Variants in UNC13C observed in about 807,000 individuals in gnomAD.
UNC13C encodes unc-13 homolog C, also known as protein unc-13 homolog C.
In UNC13C, 174 loss-of-function variants were observed where a neutral mutation model predicts 245.4. The observed-to-expected ratio is 0.71, with a 90% CI of 0.63 to 0.80. The LOEUF is 0.80. UNC13C is among the 30% of genes least tolerant of loss of function. UNC13C has a pLI of 0.00. For missense variants in UNC13C, 2,829 were observed against 2,602.9 expected, an observed-to-expected ratio of 1.09 and a Z score of -1.89; for synonymous variants, 992 against 895.1, an observed-to-expected ratio of 1.11 and a Z score of -1.93.
At chr15:54,255,450 A>G (rs115746966) in intron 8 of UNC13C, among the ~76,000 whole-genome samples, 4,605 of 152,100 alleles carry the variant, frequency 0.03, 85 homozygotes, top group African/African-American at 0.036. Context: ...TAGTCTGCCG[A>G]CGTGACGATT....
At chr15:53,843,758 C>A in the UNC13C span, among the ~76,000 whole-genome samples, 1 of 152,046 alleles carries the variant, frequency 6.6e-6, no homozygotes, top group South Asian at 2.1e-4. Flanking sequence ...CAGGTCAGCA[C>A]AGAAGCCTGA....
intron 2 of UNC13C, among the ~76,000 whole-genome samples, chr15:54,064,909 A>G (rs1476751806): frequency 6.6e-6 from 1 of 152,246 alleles, no homozygotes; most frequent in Non-Finnish European, 1.5e-5. Flanking sequence ...TCAGAGAAAG[A>G]TGAGAGTACT....
intron 10 of UNC13C, among the ~76,000 whole-genome samples, chr15:54,287,709 G>A (rs969925942): frequency 2.0e-5 from 3 of 152,156 alleles, no homozygotes; most frequent in Admixed American, 6.6e-5. Context: ...TTTGTCTAAT[G>A]TCCATCTCTA....
At chr15:54,437,124 T>C (rs1304876222) in intron 19 of UNC13C, among the ~76,000 whole-genome samples, 1 of 151,962 alleles carries the variant, frequency 6.6e-6, no homozygotes, top group African/African-American at 2.4e-5. Context: ...CTTTTCCCCA[T>C]TGTAAAATCA....
Position 54,553,183 on chromosome 15 carries a change from T to C in UNC13C, c.5878-2249T>C, listed in dbSNP as rs1175234160. Among the ~76,000 whole-genome samples, 35 of 111,126 alleles carry C rather than the reference T, an allele frequency of 3.1e-4. 1 individual carries two copies. The highest frequency in any genetic ancestry group is 1.3e-3 in the African/African-American group (33 of 25,670). 72.9% of individuals were successfully genotyped at this position (111,126 alleles called of 152,430 possible). ...TTATATACTGTATTCTATATTACAA[T>C]ATATATTATATACTGTATTCTATAT... On this transcript the variant is annotated intron_variant, in intron 28 of 32. Coordinates refer to ENST00000260323, the MANE Select transcript of UNC13C (RefSeq NM_001080534.3).
chr15:53,879,978 C>CAT, the UNC13C span, among the ~76,000 whole-genome samples: 1 of 145,570 alleles, frequency 6.9e-6, no homozygotes, highest in Non-Finnish European at 1.5e-5. Context: ...TGTGTATATA[C>CAT]ATATATATGT....
chr15:54,284,173 AT>A (rs911557245), intron 10 of UNC13C, among the ~76,000 whole-genome samples: 1 of 152,188 alleles, frequency 6.6e-6, no homozygotes, highest in Non-Finnish European at 1.5e-5. Flanking sequence ...TAAAAGTCAG[AT>A]TTGGGAAGAT....
intron 4 of UNC13C, among the ~76,000 whole-genome samples, chr15:54,230,666 A>C (rs1271532610): frequency 6.6e-6 from 1 of 152,068 alleles, no homozygotes; most frequent in Non-Finnish European, 1.5e-5. Context: ...CAGTAAACTC[A>C]TTTTAATATC....
rs1486795777 is a variant in UNC13C, at chr15:54,294,182, G to A, written c.3988+118G>A. On this transcript the variant is annotated intron_variant, in intron 11 of 32. Coordinates refer to ENST00000260323, the MANE Select transcript of UNC13C (RefSeq NM_001080534.3). ...CAATGCCTTTCCAGGACATTCTGTT[G>A]AACTTTAGATGATTCATTTCATTGA... 1.4e-5 allele frequency: 12 copies of A among 870,446 alleles called. No homozygotes were observed. The East Asian group carries it at 3.5e-4, about 26-fold the overall frequency. 53.9% of individuals were successfully genotyped at this position (870,446 alleles called of 1,614,324 possible).
intron 8 of UNC13C, among the ~76,000 whole-genome samples, chr15:54,260,366 G>A (rs569127505): frequency 1.3e-5 from 2 of 152,116 alleles, no homozygotes; most frequent in East Asian, 1.9e-4. Flanking sequence ...TCTATTTCCT[G>A]TTGAGATAAG....
intron 24 of UNC13C, among the ~76,000 whole-genome samples, chr15:54,521,078 C>A (rs903336185): frequency 2.0e-5 from 3 of 151,750 alleles, no homozygotes; most frequent in African/African-American, 7.3e-5. Flanking sequence ...GAACAAAATC[C>A]GAAAGAAGGA....
intron 4 of UNC13C, among the ~76,000 whole-genome samples, chr15:54,207,470 C>T (rs2034752024): frequency 6.6e-6 from 1 of 151,986 alleles, no homozygotes; most frequent in Admixed American, 6.6e-5. Context: ...CACATAGCTG[C>T]CCAATGTTGA....
chr15:54,088,201 C>CTTTTT (rs59075201), intron 2 of UNC13C, among the ~76,000 whole-genome samples: 1 of 103,926 alleles, frequency 9.6e-6, no homozygotes, highest in South Asian at 4.1e-4. Context: ...CTTCCTTTTC[C>CTTTTT]TTTTTTTTTT....
At chr15:54,079,973 A>T (rs1898847922) in intron 2 of UNC13C, among the ~76,000 whole-genome samples, 1 of 134,772 alleles carries the variant, frequency 7.4e-6, no homozygotes, top group Non-Finnish European at 1.6e-5. Context: ...GATTATTTTG[A>T]GGTACTTCCT....
At chr15:54,224,957 A>G (rs74684180) in intron 4 of UNC13C, among the ~76,000 whole-genome samples, 3 of 150,188 alleles carry the variant, frequency 2.0e-5, no homozygotes, top group African/African-American at 4.9e-5. Context: ...GTAGCCTCCA[A>G]TGATCCTTTG....
chr15:54,357,645 A>G (rs1278819264), intron 17 of UNC13C, among the ~76,000 whole-genome samples: 3 of 152,036 alleles, frequency 2.0e-5, no homozygotes, highest in East Asian at 3.9e-4. Context: ...AGTTAGCATA[A>G]AATTAGACAT....
In UNC13C at chr15:54,567,976, G is replaced by C. The variant is rs995408807; in HGVS notation, c.6106+29G>C. 4.2e-6 allele frequency: 6 copies of C among 1,421,588 alleles called. No homozygotes were observed. In the Middle Eastern group the frequency reaches 5.5e-4, roughly 130 times the overall value. The allele number at this position is 1,421,588 out of a possible 1,614,324, so 88.1% of individuals were successfully genotyped here. ...AGTAACACATAGGACCTGAGAATAA[G>C]GTAAACTGAATACTAAAATAAAATT... On this transcript the variant is annotated intron_variant, in intron 30 of 32. Coordinates refer to ENST00000260323, the MANE Select transcript of UNC13C (RefSeq NM_001080534.3).
At chr15:54,132,086 TGACAGCGTC>T (rs2031466297) in intron 2 of UNC13C, among the ~76,000 whole-genome samples, 1 of 149,942 alleles carries the variant, frequency 6.7e-6, no homozygotes. Flanking sequence ...TTTTTTTTTT[TGACAGCGTC>T]TTGCTCTGTC....
intron 15 of UNC13C, among the ~76,000 whole-genome samples, chr15:54,332,590 T>C (rs952300061): frequency 3.3e-5 from 5 of 151,980 alleles, no homozygotes; most frequent in African/African-American, 1.2e-4. Flanking sequence ...CAGAATTCAT[T>C]GTCAACAATT....
Sources: allele counts gnomAD v4.1 joint callset (sites outside exome capture counted in the v4.1 genomes callset), GRCh38; gene constraint gnomAD v4.1.1; transcripts MANE v1.5; gene names NCBI Gene and HGNC (gene_info 2026-07-23, HGNC 2026-07-21).